The following SPATA6 variants were observed in gnomAD, a reference collection of about 807,000 sequenced individuals.
SPATA6 encodes spermatogenesis-associated protein 6.
Under a neutral mutation model 65.3 loss-of-function variants are expected in SPATA6, and 56 were observed. The ratio of observed to expected loss-of-function variants is 0.86; its 90% confidence interval spans 0.69 to 1.07. SPATA6 has a LOEUF of 1.07. SPATA6 is among the 50% of genes least tolerant of loss of function. The pLI is 0.00. For synonymous variants in SPATA6, 199 were observed against 213.2 expected, an observed-to-expected ratio of 0.93 and a Z score of 0.58; for missense variants, 590 against 594.8, an observed-to-expected ratio of 0.99 and a Z score of 0.08.
At chr1:48,441,755 G>A (rs535622155) in intron 3 of SPATA6, among the ~76,000 whole-genome samples, 1 of 152,278 alleles carries the variant, frequency 6.6e-6, no homozygotes, top group East Asian at 1.9e-4. Context: ...CAAAACGCTG[G>A]CCTCACTGTT....
At chr1:48,457,768 T>G (rs987887030) in intron 1 of SPATA6, among the ~76,000 whole-genome samples, 5 of 152,042 alleles carry the variant, frequency 3.3e-5, no homozygotes, top group African/African-American at 1.2e-4. Context: ...CAGGTTGAAC[T>G]GAAAGGATAC....
chr1:48,395,343 TG>T lies in SPATA6; in HGVS notation c.791del (p.Pro264GlnfsTer54). On this transcript the variant is annotated frameshift_variant, in exon 8 of 13. Transcript: ENST00000371847. LOFTEE classifies it high-confidence loss of function. ...CCAATAAAGTATCAGCCCTGGGACTTGGGGGATCAACCTAGAGGAAGCAGGA... is the reference window on the plus strand; with the variant it reads ...CCAATAAAGTATCAGCCCTGGGACTTGGGGATCAACCTAGAGGAAGCAGGA... ...PPFVIRHVDP[P>X]SPRADTLLGS... 6.4e-7 allele frequency: 1 copy of T among 1,556,220 alleles called. No homozygotes were observed. Among genetic ancestry groups the T allele is most frequent in the African/African-American group, 1.4e-5 (1 of 72,300 alleles).
chr1:48,406,410 C>T (rs1247429828), intron 5 of SPATA6, among the ~76,000 whole-genome samples: 1 of 152,124 alleles, frequency 6.6e-6, no homozygotes, highest in African/African-American at 2.4e-5. Flanking sequence ...TTTAGAATAA[C>T]ATCTAGACTT....
At chr1:48,457,058 C>A (rs1657058879) in intron 1 of SPATA6, among the ~76,000 whole-genome samples, 1 of 152,054 alleles carries the variant, frequency 6.6e-6, no homozygotes. Flanking sequence ...TAGTGAGAGC[C>A]TCTCTCTACA....
chr1:48,420,537 G>T (rs1376668752), intron 3 of SPATA6, among the ~76,000 whole-genome samples: 3 of 152,132 alleles, frequency 2.0e-5, no homozygotes, highest in African/African-American at 7.2e-5. Context: ...TTAAATTGGA[G>T]GACACTCAAT....
chr1:48,320,195 T>G (rs887486273), intron 11 of SPATA6, among the ~76,000 whole-genome samples: 2 of 152,174 alleles, frequency 1.3e-5, no homozygotes, highest in African/African-American at 4.8e-5. Context: ...AGAAAGTTTA[T>G]TCAAAGGGAT....
the SPATA6 span, among the ~76,000 whole-genome samples, chr1:48,283,697 A>AAAAAAAAAGAAAGAAAGAAAGAAAGAAAG: frequency 1.7e-4 from 2 of 12,004 alleles, no homozygotes; most frequent in African/African-American, 3.6e-4. Flanking sequence ...AAAAAAAAAA[A>AAAAAAAAAGAAAGAAAGAAAGAAAGAAAG]AAAGAAAGAA....
At chr1:48,292,871 G>T (rs573742513), downstream of SPATA6, among the ~76,000 whole-genome samples, 13 of 152,364 alleles carry the variant, frequency 8.5e-5, no homozygotes, top group South Asian at 2.7e-3. Flanking sequence ...TGCAGTGACT[G>T]CACTGGTTCC....
chr1:48,287,444 A>T, the SPATA6 span, among the ~76,000 whole-genome samples: 2 of 152,248 alleles, frequency 1.3e-5, no homozygotes, highest in African/African-American at 4.8e-5. Context: ...TCTCATGTTG[A>T]AATGTGATTC....
intron 3 of SPATA6, among the ~76,000 whole-genome samples, chr1:48,435,255 T>C (rs1280546560): frequency 1.3e-5 from 2 of 152,162 alleles, no homozygotes; most frequent in African/African-American, 4.8e-5. Context: ...TGGAGAACTT[T>C]TGTGTCTAAC....
chr1:48,395,199 T>A (rs1305485561), intron 8 of SPATA6, 68 bp downstream of exon 8: 1 of 1,234,638 alleles, frequency 8.1e-7, no homozygotes, highest in Non-Finnish European at 1.1e-6. Flanking sequence ...TGTTAATTGA[T>A]GCCAAATTAA....
chr1:48,285,186 G>A, the SPATA6 span, among the ~76,000 whole-genome samples: 4 of 152,060 alleles, frequency 2.6e-5, no homozygotes, highest in Non-Finnish European at 5.9e-5. Context: ...GCTGCGGTGG[G>A]CTCCTCCCAG....
intron 3 of SPATA6, among the ~76,000 whole-genome samples, chr1:48,413,877 T>A (rs1316621578): frequency 1.3e-5 from 2 of 152,078 alleles, no homozygotes; most frequent in African/African-American, 4.8e-5. Context: ...GAAAAGAAAA[T>A]GTTATTAAGA....
At chr1:48,366,297 T>A (rs935117238) in intron 9 of SPATA6, among the ~76,000 whole-genome samples, 15 of 152,288 alleles carry the variant, frequency 9.8e-5, no homozygotes, top group Admixed American at 3.9e-4. Flanking sequence ...ATCAGGATGA[T>A]GCTGGCCTCA....
At chr1:48,456,174 A>AC (rs1656984898) in intron 1 of SPATA6, among the ~76,000 whole-genome samples, 1 of 152,162 alleles carries the variant, frequency 6.6e-6, no homozygotes, top group Non-Finnish European at 1.5e-5. Context: ...CAGAAAGCAT[A>AC]CCCCAACATA....
At chr1:48,279,403 C>T in the SPATA6 span, among the ~76,000 whole-genome samples, 2 of 152,148 alleles carry the variant, frequency 1.3e-5, no homozygotes, top group Non-Finnish European at 2.9e-5. Context: ...GACAAAGAGT[C>T]AAGATCCATC....
At chr1:48,451,695 A>C in intron 2 of SPATA6, 95 bp from the exon 3 acceptor site, 3 of 1,202,172 alleles carry the variant, frequency 2.5e-6, no homozygotes, top group Non-Finnish European at 3.5e-6. Context: ...CAATCACAGA[A>C]ACTTTTGACA....
intron 3 of SPATA6, among the ~76,000 whole-genome samples, chr1:48,450,047 G>C (rs565369546): frequency 5.2e-4 from 79 of 151,376 alleles, no homozygotes; most frequent in Non-Finnish European, 1.0e-3. Context: ...TTTAATTAAG[G>C]AACTGAAAAA....
chr1:48,351,901 G>GCTA (rs1301148365), intron 11 of SPATA6, among the ~76,000 whole-genome samples: 1 of 151,990 alleles, frequency 6.6e-6, no homozygotes, highest in African/African-American at 2.4e-5. Context: ...TCTGGGCCTA[G>GCTA]GGCTCTCTCC....
Sources: allele counts gnomAD v4.1 joint callset (sites outside exome capture counted in the v4.1 genomes callset), GRCh38; gene constraint gnomAD v4.1.1; transcripts MANE v1.5; gene names NCBI Gene and HGNC (gene_info 2026-07-23, HGNC 2026-07-21).